CPED1: variants seen among roughly 807,000 people sequenced by gnomAD.
The protein encoded by CPED1 is cadherin-like and PC-esterase domain-containing protein 1.
Under a neutral mutation model 128.2 loss-of-function variants are expected in CPED1, and 114 were observed. The observed-to-expected ratio is 0.89, with a 90% CI of 0.76 to 1.04. CPED1 has a LOEUF of 1.04. Among genes scored for constraint, CPED1 ranks in the 50% least tolerant of loss-of-function variants. The probability of loss-of-function intolerance (pLI) is 0.00; values close to 1 mark genes in which losing one functional copy is unlikely to be tolerated. For missense variants in CPED1, 1,211 were observed against 1,207.1 expected, an observed-to-expected ratio of 1.00 and a Z score of -0.05; for synonymous variants, 462 against 426.7, an observed-to-expected ratio of 1.08 and a Z score of -1.02.
At chr7:121,011,953 C>G (rs1051024965) in intron 2 of CPED1, among the ~76,000 whole-genome samples, 3 of 152,108 alleles carry the variant, frequency 2.0e-5, no homozygotes, top group African/African-American at 7.2e-5. Context: ...TGGTGAGACA[C>G]CACGTTGGAC....
intron 16 of CPED1, among the ~76,000 whole-genome samples, chr7:121,181,403 T>C (rs1796894227): frequency 6.6e-6 from 1 of 152,068 alleles, no homozygotes; most frequent in Non-Finnish European, 1.5e-5. Flanking sequence ...AGAATGACTG[T>C]CCCCAGGAAA....
chr7:121,057,150 T>C (rs1334733348), intron 4 of CPED1, among the ~76,000 whole-genome samples: 6 of 152,044 alleles, frequency 3.9e-5, no homozygotes, highest in Non-Finnish European at 8.8e-5. Context: ...GCTAATTTTT[T>C]TGTATTTTTA....
chr7:121,281,830 T>C (rs887530687), intron 22 of CPED1, among the ~76,000 whole-genome samples: 2 of 152,182 alleles, frequency 1.3e-5, no homozygotes, highest in African/African-American at 4.8e-5. Context: ...AAAAACCATT[T>C]TTCTTATAAG....
chr7:121,237,374 C>G (rs762045428), intron 17 of CPED1, among the ~76,000 whole-genome samples: 1 of 152,108 alleles, frequency 6.6e-6, no homozygotes, highest in Non-Finnish European at 1.5e-5. Flanking sequence ...TAAATTATCT[C>G]TTTTCACTAA....
At chr7:121,261,663 G>A (rs1394104132) in intron 18 of CPED1, 2 of 1,611,110 alleles carry the variant, frequency 1.2e-6, no homozygotes, top group Non-Finnish European at 1.7e-6. Context: ...GTTCCTAGAA[G>A]CCGTAATTGA....
At chr7:121,075,044 A>C (rs527238786) in intron 5 of CPED1, among the ~76,000 whole-genome samples, 85 of 152,214 alleles carry the variant, frequency 5.6e-4, no homozygotes, top group African/African-American at 1.9e-3. Flanking sequence ...GGCATTCAGC[A>C]TTTTCCTGTG....
intron 21 of CPED1, among the ~76,000 whole-genome samples, chr7:121,269,555 C>A (rs1049333360): frequency 2.0e-5 from 3 of 151,916 alleles, no homozygotes; most frequent in African/African-American, 7.3e-5. Context: ...ATTTTTAGTT[C>A]TTTGAGAAGC....
chr7:121,220,740 A>G (rs1487481480), intron 16 of CPED1, among the ~76,000 whole-genome samples: 1 of 152,032 alleles, frequency 6.6e-6, no homozygotes, highest in African/African-American at 2.4e-5. Flanking sequence ...ATAAAAAGTA[A>G]AAGTGCATTT....
chr7:121,287,101 T>A (rs1584656192), intron 22 of CPED1, among the ~76,000 whole-genome samples: 1 of 152,274 alleles, frequency 6.6e-6, no homozygotes, highest in African/African-American at 2.4e-5. Context: ...ACCTGGTCTC[T>A]CCCTTGACAC....
intron 7 of CPED1, among the ~76,000 whole-genome samples, chr7:121,101,811 G>T (rs947108506): frequency 6.6e-6 from 1 of 151,966 alleles, no homozygotes; most frequent in African/African-American, 2.4e-5. Flanking sequence ...GCTCTCCTGT[G>T]AACTAATAGA....
At chr7:121,266,534 C>A in intron 19 of CPED1, 87 bp downstream of exon 19, 1 of 1,255,542 alleles carries the variant, frequency 8.0e-7, no homozygotes, top group South Asian at 1.2e-5. Flanking sequence ...ACTCACTGTA[C>A]ATCAAATGTG....
At chr7:120,989,932 C>T in intron 2 of CPED1, 62 bp downstream of exon 2, 1 of 1,586,606 alleles carries the variant, frequency 6.3e-7, no homozygotes, top group South Asian at 1.2e-5. Context: ...GCTTCTCTGT[C>T]CTTTCTATAA....
intron 2 of CPED1, among the ~76,000 whole-genome samples, chr7:121,010,557 T>C (rs1201328917): frequency 1.3e-5 from 2 of 152,190 alleles, no homozygotes; most frequent in African/African-American, 2.4e-5. Context: ...CAGGAATACA[T>C]TTTTGATAAG....
chr7:121,171,061 T>TAA (rs58392760), intron 16 of CPED1, among the ~76,000 whole-genome samples: 3 of 148,320 alleles, frequency 2.0e-5, no homozygotes, highest in African/African-American at 7.5e-5. Context: ...AATAAATACA[T>TAA]AAAAAAAAAA....
In CPED1 at chr7:121,199,730, C is replaced by T. The variant is rs1284815215; in HGVS notation, c.2056-36984C>T. Among the ~76,000 whole-genome samples the T allele has an allele frequency of 6.5e-5, 7 of 108,270 alleles. No individual in the cohort carries two copies. The East Asian group carries it at 2.2e-3, about 34-fold the overall frequency. 71.0% of individuals were successfully genotyped at this position (108,270 alleles called of 152,430 possible). A position where few individuals can be genotyped will look rare whatever the true frequency, so the allele number is the denominator to read the frequency against. On this transcript the variant is annotated intron_variant, in intron 16 of 22. Transcript: ENST00000310396. ...GAAAGAAAGAAAGAAAAGAAAAATACAAATATAGAAAAAAGTTTCTATTTT... is the reference window on the plus strand; with the variant it reads ...GAAAGAAAGAAAGAAAAGAAAAATATAAATATAGAAAAAAGTTTCTATTTT...
At chr7:121,134,152 C>T (rs192439120) in intron 13 of CPED1, among the ~76,000 whole-genome samples, 198 of 152,132 alleles carry the variant, frequency 1.3e-3, no homozygotes, top group Non-Finnish European at 1.8e-3. Context: ...TACAGCACTA[C>T]ACGCAATAGC....
intron 16 of CPED1, among the ~76,000 whole-genome samples, chr7:121,212,749 A>T (rs1330516212): frequency 6.6e-6 from 1 of 152,074 alleles, no homozygotes; most frequent in African/African-American, 2.4e-5. Flanking sequence ...AGAACTAAAA[A>T]CACATGACAA....
chr7:121,275,873 T>C (rs1415208350), intron 22 of CPED1, among the ~76,000 whole-genome samples: 3 of 151,504 alleles, frequency 2.0e-5, no homozygotes, highest in Non-Finnish European at 2.9e-5. Context: ...CTTTAAACTT[T>C]ACAAGTTTAC....
At chr7:121,036,300 C>A (rs1028930932) in intron 3 of CPED1, among the ~76,000 whole-genome samples, 1 of 152,044 alleles carries the variant, frequency 6.6e-6, no homozygotes, top group African/African-American at 2.4e-5. Context: ...CAAATCCCCA[C>A]ATTCCAGTGT....
Sources: allele counts gnomAD v4.1 joint callset (sites outside exome capture counted in the v4.1 genomes callset), GRCh38; gene constraint gnomAD v4.1.1; transcripts MANE v1.5; gene names NCBI Gene and HGNC (gene_info 2026-07-23, HGNC 2026-07-21).